Variants in RYR2 observed in about 807,000 individuals in gnomAD.
RYR2 encodes the protein ryanodine receptor 2, also known as cardiac muscle ryanodine receptor-calcium release channel.
Under a neutral mutation model 601.1 loss-of-function variants are expected in RYR2, and 227 were observed. That is an observed-to-expected ratio of 0.38 (90% confidence interval 0.34 to 0.42). The LOEUF (loss-of-function observed/expected upper bound fraction) is 0.42. RYR2 is among the 10% of genes least tolerant of loss of function. RYR2 has a pLI of 1.00. For synonymous variants in RYR2, 2,223 were observed against 2,175.1 expected, an observed-to-expected ratio of 1.02 and a Z score of -0.61; for missense variants, 4,646 against 6,156.5, an observed-to-expected ratio of 0.75 and a Z score of 8.21.
At chr1:237,132,938 G>GT (rs113465682) in intron 1 of RYR2, among the ~76,000 whole-genome samples, 115 of 152,198 alleles carry the variant, frequency 7.6e-4, no homozygotes, top group African/African-American at 2.7e-3. Context: ...GTAGAGTTGG[G>GT]TTTTTTACCA....
chr1:237,784,843 G>A lies in RYR2; in HGVS notation c.13131G>A (p.Ser4377=), dbSNP rs375816494. The A allele has an allele frequency of 2.5e-6, 4 of 1,613,780 alleles. No individual in the cohort carries two copies. Among genetic ancestry groups the A allele is most frequent in the African/African-American group, 1.3e-5 (1 of 74,966 alleles). Residue 4377 remains serine, a synonymous_variant, in exon 90 of 105, where the codon TCG becomes TCA. Transcript: ENST00000366574. This position sits in a 1 kb window ranked among gnomAD's most constrained non-coding sequence, Gnocchi z 7.1. ...KELTEESDLL[S]DIFGLDLKRE... Reference sequence around the variant, plus strand: ...TGACAGAGGAAAGTGACCTTCTTTCGGACATCTTTGGCCTGGATCTGAAGA... The same window carrying A: ...TGACAGAGGAAAGTGACCTTCTTTCAGACATCTTTGGCCTGGATCTGAAGA...
chr1:237,253,804 G>A (rs1421077265), intron 1 of RYR2, among the ~76,000 whole-genome samples: 1 of 152,088 alleles, frequency 6.6e-6, no homozygotes, highest in Non-Finnish European at 1.5e-5. Context: ...GGTAATTTAC[G>A]GAAAGTCTAC....
intron 35 of RYR2, among the ~76,000 whole-genome samples, chr1:237,605,654 A>G (rs1677038212): frequency 6.6e-6 from 1 of 151,932 alleles, no homozygotes. Context: ...ACATAATTGT[A>G]TATTTAGAAA....
At chr1:237,479,517 CA>C (rs57286986) in intron 17 of RYR2, among the ~76,000 whole-genome samples, 31,665 of 152,096 alleles carry the variant, frequency 0.21, 3,755 homozygotes, top group African/African-American at 0.32. Context: ...CATTTCTGCC[CA>C]AAATGATAGC....
At position 237,042,340 on chromosome 1, in the gene RYR2, G is replaced by A. The variant is rs1432993171; in HGVS notation, c.-182G>A. Reference sequence around the variant, plus strand: ...CCCCGCGCCTCGACCACCCGCGCCCGAGCGTCCGCGCCTCCTCCTCCGCTC... The same window carrying A: ...CCCCGCGCCTCGACCACCCGCGCCCAAGCGTCCGCGCCTCCTCCTCCGCTC... On this transcript the variant is annotated 5_prime_UTR_variant, in exon 1 of 105. Transcript: ENST00000366574. 3.9e-5 allele frequency: 16 copies of A among 407,172 alleles called. No individual in the cohort carries two copies. The South Asian group carries it at 1.3e-3, about 33-fold the overall frequency. The allele number at this position is 407,172 out of a possible 1,614,324, so 25.2% of individuals were successfully genotyped here. A position where few individuals can be genotyped will look rare whatever the true frequency, so the allele number is the denominator to read the frequency against.
chr1:237,188,822 T>G (rs908791415), intron 1 of RYR2, among the ~76,000 whole-genome samples: 6 of 152,230 alleles, frequency 3.9e-5, no homozygotes, highest in Non-Finnish European at 8.8e-5. Flanking sequence ...CATTATTTTG[T>G]AGACTCGATG....
intron 1 of RYR2, among the ~76,000 whole-genome samples, chr1:237,247,274 T>C (rs1686947409): frequency 6.6e-6 from 1 of 152,218 alleles, no homozygotes; most frequent in Non-Finnish European, 1.5e-5. Context: ...AAAATAATTG[T>C]TTCTTTAAAA....
At chr1:237,199,367 C>A (rs1389341409) in intron 1 of RYR2, among the ~76,000 whole-genome samples, 1 of 152,166 alleles carries the variant, frequency 6.6e-6, no homozygotes, top group Non-Finnish European at 1.5e-5. Context: ...GGCCGAAGGC[C>A]CAAGAGCCCC....
intron 63 of RYR2, among the ~76,000 whole-genome samples, chr1:237,690,843 A>G (rs1164818385): frequency 6.6e-6 from 1 of 152,184 alleles, no homozygotes; most frequent in Non-Finnish European, 1.5e-5. Flanking sequence ...AAAAATACAC[A>G]CAGTAAAGCC....
intron 1 of RYR2, among the ~76,000 whole-genome samples, chr1:237,170,497 A>C (rs1677238060): frequency 6.6e-6 from 1 of 152,238 alleles, no homozygotes; most frequent in Non-Finnish European, 1.5e-5. Context: ...AGGTGCTAAC[A>C]GAAGACTGGC....
chr1:237,699,107 T>A, intron 64 of RYR2, 82 bp downstream of exon 64: 1 of 665,122 alleles, frequency 1.5e-6, no homozygotes, highest in African/African-American at 1.8e-5. Flanking sequence ...AAGGACCCAG[T>A]GTCTGGATTT....
At position 237,700,242 on chromosome 1, in the gene RYR2, ACTGGC is replaced by A; in HGVS notation, c.9147_9151del (p.Leu3050GlufsTer3). On this transcript the variant is annotated frameshift_variant, in exon 65 of 105. Coordinates refer to ENST00000366574, the MANE Select transcript of RYR2 (RefSeq NM_001035.3). LOFTEE classifies it high-confidence loss of function. ...TTTACTTTCTAGGACAGTGATGAAG[ACTGGC>A]CTGGAGAGTGTTAAAAGTGCACTCA... The A allele has an allele frequency of 6.4e-7, 1 of 1,564,506 alleles. No homozygotes were observed. The highest frequency in any genetic ancestry group is 8.7e-7 in the Non-Finnish European group (1 of 1,152,292).
At chr1:237,473,511 C>T (rs1033092231) in intron 17 of RYR2, among the ~76,000 whole-genome samples, 4 of 147,478 alleles carry the variant, frequency 2.7e-5, no homozygotes, top group Admixed American at 6.7e-5. Flanking sequence ...TAGATCTGTC[C>T]GTCCAATAAT....
At chr1:237,121,375 A>G (rs1454189438) in intron 1 of RYR2, among the ~76,000 whole-genome samples, 1 of 152,174 alleles carries the variant, frequency 6.6e-6, no homozygotes, top group Non-Finnish European at 1.5e-5. Flanking sequence ...TTCCATTCAG[A>G]TAAAAAGAGA....
chr1:237,826,810 C>G (rs1249747241), intron 101 of RYR2, among the ~76,000 whole-genome samples: 1 of 152,088 alleles, frequency 6.6e-6, no homozygotes, highest in Non-Finnish European at 1.5e-5. Context: ...GAATGGTGCT[C>G]TTATTTTATG....
At chr1:237,343,926 T>C (rs1698062312) in intron 3 of RYR2, among the ~76,000 whole-genome samples, 2 of 151,930 alleles carry the variant, frequency 1.3e-5, no homozygotes, top group African/African-American at 4.8e-5. Flanking sequence ...TTTAAAGCGA[T>C]TCTCCTGCCT....
At position 237,795,450 on chromosome 1, in the gene RYR2, A is replaced by AT. The variant is rs35572672; in HGVS notation, c.13956+131dup. ...AATTTATCTGCCTATTAATGTCTCC[A>AT]TTTTTTTTTTTTAATTTTTGAGATG... is the stretch of plus-strand genomic sequence containing the variant. On this transcript the variant is annotated intron_variant, in intron 96 of 104. Transcript: ENST00000366574. The AT allele has an allele frequency of 0.53, 220,863 of 413,060 alleles. 38,954 individuals carry two copies. The highest frequency in any genetic ancestry group is 0.67 in the Admixed American group (13,368 of 20,086). The allele number at this position is 413,060 out of a possible 1,614,324, so 25.6% of individuals were successfully genotyped here.
intron 79 of RYR2, among the ~76,000 whole-genome samples, chr1:237,740,689 T>C (rs1691535119): frequency 6.6e-6 from 1 of 152,204 alleles, no homozygotes; most frequent in African/African-American, 2.4e-5. Context: ...TAAAATTTCA[T>C]ATCCTTGAGA....
chr1:237,580,152 ATTC>A (rs1429286845), intron 29 of RYR2, among the ~76,000 whole-genome samples: 1 of 87,340 alleles, frequency 1.1e-5, no homozygotes, highest in Admixed American at 1.1e-4. Context: ...AATCACAACA[ATTC>A]TTTTTTTTTT....
Sources: gnomAD v4.1 joint callset for allele counts (sites outside exome capture counted in the v4.1 genomes callset) on GRCh38, gnomAD v4.1.1 for gene constraint, Gnocchi (gnomAD v3.1) non-coding constraint, MANE v1.5 for transcripts, NCBI Gene and HGNC (gene_info 2026-07-23, HGNC 2026-07-21) for gene names.